Variants in NAGPA observed in about 807,000 individuals in gnomAD.
NAGPA encodes the protein alpha-N-acetylglucosaminyl phosphodiesterase.
Under a neutral mutation model 48.5 loss-of-function variants are expected in NAGPA, and 56 were observed. The observed-to-expected ratio is 1.15, with a 90% CI of 0.93 to 1.44. The LOEUF (loss-of-function observed/expected upper bound fraction) is 1.44, where lower values mean the gene tolerates loss of function less well. NAGPA is among the 40% of genes most tolerant of loss of function. The pLI, the probability that NAGPA is intolerant of heterozygous loss-of-function variation, is 0.00. For synonymous variants in NAGPA, 399 were observed against 315.5 expected (o/e 1.26, Z -2.81); for missense variants, 888 against 735.0 (o/e 1.21, Z -2.41).
Position 5,033,673 on chromosome 16 carries a change from G to A in NAGPA, c.142C>T (p.Pro48Ser), listed in dbSNP as rs1956148810. The A allele has an allele frequency of 1.3e-6, 2 of 1,594,378 alleles. No homozygotes were observed. The highest frequency in any genetic ancestry group is 1.7e-6 in the Non-Finnish European group (2 of 1,175,254). Reference sequence around the variant, plus strand: ...GCGCGCACCCGTGTGCAGTCCCGGGGGAGGCGCGCGCGCGCGCGTGGATAG... The same window carrying A: ...GCGCGCACCCGTGTGCAGTCCCGGGAGAGGCGCGCGCGCGCGCGTGGATAG... ...LPYPRARARLPRDCTRVRAGN... is the reference protein window; with the variant it reads ...LPYPRARARLSRDCTRVRAGN... The change falls in exon 2 of 10, where the codon CCC becomes TCC. Residue 48 changes from proline (P) to serine (S), a missense_variant. Physicochemically the swap from Pro to Ser is moderately conservative, Grantham distance 74 (BLOSUM62 -1). Coordinates refer to ENST00000312251, the MANE Select transcript of NAGPA (RefSeq NM_016256.4). The surrounding 1 kb of genome is among the most constrained non-coding windows in gnomAD (Gnocchi z 4.2).
intron 4 of NAGPA, chr16:5,030,132 T>C (rs1299667595): frequency 5.0e-5 from 29 of 577,402 alleles, no homozygotes; most frequent in Non-Finnish European, 9.0e-5. Context: ...CTGCTCACTT[T>C]GTGACCATTT....
At position 5,031,801 on chromosome 16, in the gene NAGPA, C is replaced by T; in HGVS notation, c.626G>A (p.Gly209Glu). The change falls in exon 3 of 10, where the codon GGA (glycine) becomes GAA (glutamate). Residue 209 changes from glycine to glutamate, a missense_variant. By Grantham distance (98) the Gly-to-Glu change is moderately conservative. Transcript: ENST00000312251. Reference protein sequence around the residue: ...LSGVVWLIRNGSIYINESQAT... With the variant: ...LSGVVWLIRNESIYINESQAT... ...TTGGCTCTCGTTGATGTAGATGCTT[C>T]CATTACGAATCAGCCACACGACCCC... The T allele has an allele frequency of 1.2e-6, 2 of 1,614,136 alleles. No homozygotes were observed. The highest frequency in any genetic ancestry group is 2.2e-5 in the East Asian group (1 of 44,884).
chr16:5,030,196 G>A, intron 4 of NAGPA, 189 bp downstream of exon 4: 2 of 631,428 alleles, frequency 3.2e-6, no homozygotes, highest in Non-Finnish European at 5.7e-6. Context: ...TGAAGATGAT[G>A]AGTTCTTGGA....
chr16:5,030,946 G>A, intron 3 of NAGPA: 1 of 229,498 alleles, frequency 4.4e-6, no homozygotes, highest in South Asian at 5.2e-5. Context: ...TTTTTTTTTT[G>A]AGACAAAGAG....
chr16:5,030,243 GGT>G, intron 4 of NAGPA, 140 bp downstream of exon 4: 1 of 752,088 alleles, frequency 1.3e-6, no homozygotes, highest in Non-Finnish European at 2.3e-6. Flanking sequence ...CCTGTGGGAA[GGT>G]GAGGGGGCCC....
chr16:5,028,911 C>A lies in NAGPA; in HGVS notation c.889G>T (p.Gly297Trp). ...GGGSATFVLNGTLASYPSDHC... is the reference protein window; with the variant it reads ...GGGSATFVLNWTLASYPSDHC... ...TCTGACGGGTAACTGGCCAAGGTCC[C>A]GTTGAGCACAAAGGTGGCAGAGCCA... is the stretch of plus-strand genomic sequence containing the variant. The change falls in exon 5 of 10, where the codon GGG becomes TGG. Residue 297 changes from glycine to tryptophan, a missense_variant. Physicochemically the swap from Gly to Trp is radical, Grantham distance 184. Coordinates refer to ENST00000312251, the MANE Select transcript of NAGPA (RefSeq NM_016256.4). 1 of 1,614,086 alleles carries A rather than the reference C, an allele frequency of 6.2e-7. No homozygotes were observed. Among genetic ancestry groups the A allele is most frequent in the Non-Finnish European group, 8.5e-7 (1 of 1,180,034 alleles).
chr16:5,033,789 G>A lies in NAGPA; in HGVS notation c.86+40C>T, dbSNP rs536342203. 2.5e-4 allele frequency: 393 copies of A among 1,571,182 alleles called. 5 individuals carry two copies. The South Asian group carries it at 4.4e-3, about 18-fold the overall frequency. Reference sequence around the variant, plus strand: ...TCCTCGTGAGCTCGGAGGACAGGGGGGACCCCCCGAACCAGGCTGGCCCAG... The same window carrying A: ...TCCTCGTGAGCTCGGAGGACAGGGGAGACCCCCCGAACCAGGCTGGCCCAG... On this transcript the variant is annotated intron_variant, in intron 1 of 9. Transcript: ENST00000312251. The surrounding 1 kb of genome is among the most constrained non-coding windows in gnomAD (Gnocchi z 4.2).
Position 5,033,609 on chromosome 16 carries a change from G to C in NAGPA, c.206C>G (p.Ala69Gly). 1.3e-6 allele frequency: 2 copies of C among 1,503,572 alleles called. No individual in the cohort carries two copies. Among genetic ancestry groups the C allele is most frequent in the Non-Finnish European group, 1.8e-6 (2 of 1,139,020 alleles). The allele number at this position is 1,503,572 out of a possible 1,614,324, so 93.1% of individuals were successfully genotyped here. ...REHESWPPPP[A>G]TPGAGGLAVR... ...GGCCAGACCGCCGGCGCCGGGAGTC[G>C]CGGGAGGCGGAGGCCAACTCTCGTG... The change falls in exon 2 of 10, where the codon GCG (alanine) becomes GGG (glycine). Residue 69 changes from alanine to glycine, a missense_variant. Transcript: ENST00000312251. This position sits in a 1 kb window ranked among gnomAD's most constrained non-coding sequence, Gnocchi z 4.2.
At position 5,028,161 on chromosome 16, in the gene NAGPA, G is replaced by C; in HGVS notation, c.945C>G (p.Pro315=). Reference sequence around the variant, plus strand: ...CACACACCACGGTGGACACTTGGCGGGGACAGCGCCACATGTTGTCCTGGC... The same window carrying C: ...CACACACCACGGTGGACACTTGGCGCGGACAGCGCCACATGTTGTCCTGGC... ...DHCQDNMWRC[P]RQVSTVVCVH... The change falls in exon 6 of 10, where the codon CCC becomes CCG. Residue 315 remains proline, a synonymous_variant. Transcript: ENST00000312251. The C allele has an allele frequency of 6.4e-7, 1 of 1,573,824 alleles. No individual in the cohort carries two copies. The highest frequency in any genetic ancestry group is 8.6e-7 in the Non-Finnish European group (1 of 1,159,326).
In NAGPA at chr16:5,027,383, T is replaced by C. The variant is rs752593735; in HGVS notation, c.1175-4A>G. On this transcript the variant is annotated splice_region_variant and splice_polypyrimidine_tract_variant and intron_variant, in intron 7 of 9. Coordinates refer to ENST00000312251, the MANE Select transcript of NAGPA (RefSeq NM_016256.4). ...CCATGCCAGCCAAGGGGACACTCTA[T>C]GGAAAGGAGATGGGAGGAGGGAGGA... 6.2e-7 allele frequency: 1 copy of C among 1,600,318 alleles called. No homozygotes were observed. Among genetic ancestry groups the C allele is most frequent in the South Asian group, 1.1e-5 (1 of 90,458 alleles).
chr16:5,029,467 G>A (rs1956063658), intron 4 of NAGPA: 1 of 252,686 alleles, frequency 4.0e-6, no homozygotes, highest in East Asian at 1.0e-4. Flanking sequence ...AACTGAGGAG[G>A]CGACGGGGAT....
rs889971566 is a variant in NAGPA at position 5,033,567 on chromosome 16, G to C, written c.248C>G (p.Ser83Trp). Reference protein sequence around the residue: ...AGGLAVRTFVSHFRDRAVAGH... With the variant: ...AGGLAVRTFVWHFRDRAVAGH... Reference sequence around the variant, plus strand: ...GGCCACCGCGCGGTCCCTGAAGTGCGACACGAAGGTGCGCACGGCCAGACC... The same window carrying C: ...GGCCACCGCGCGGTCCCTGAAGTGCCACACGAAGGTGCGCACGGCCAGACC... The change falls in exon 2 of 10, where the codon TCG (serine) becomes TGG (tryptophan). Residue 83 changes from serine (S) to tryptophan (W), a missense_variant. By Grantham distance (177) the Ser-to-Trp change is radical (BLOSUM62 -3). Coordinates refer to ENST00000312251, the MANE Select transcript of NAGPA (RefSeq NM_016256.4). This position sits in a 1 kb window ranked among gnomAD's most constrained non-coding sequence, Gnocchi z 4.2. 7 of 1,500,294 alleles carry C rather than the reference G, an allele frequency of 4.7e-6. No homozygotes were observed. The highest frequency in any genetic ancestry group is 6.2e-6 in the Non-Finnish European group (7 of 1,134,052). The allele number at this position is 1,500,294 out of a possible 1,614,324, so 92.9% of individuals were successfully genotyped here.
chr16:5,028,896 A>G lies in NAGPA; in HGVS notation c.904T>C (p.Tyr302His), dbSNP rs760778685. ...TFVLNGTLAS[Y>H]PSDHCQDNMW... ...CGTGCTTACCAGTGATCTGACGGGT[A>G]ACTGGCCAAGGTCCCGTTGAGCACA... The change falls in exon 5 of 10, where the codon TAC (tyrosine) becomes CAC (histidine). Residue 302 changes from tyrosine to histidine, a missense_variant. Tyr to His is a moderately conservative substitution (Grantham distance 83). Transcript: ENST00000312251. The G allele has an allele frequency of 2.5e-6, 4 of 1,614,084 alleles. No homozygotes were observed. Among genetic ancestry groups the G allele is most frequent in the Non-Finnish European group, 2.5e-6 (3 of 1,180,028 alleles).
chr16:5,029,919 G>A, intron 4 of NAGPA: 1 of 250,136 alleles, frequency 4.0e-6, no homozygotes, highest in Non-Finnish European at 7.9e-6. Flanking sequence ...GTAAGACCCT[G>A]TCTCAAAGAA....
intron 4 of NAGPA, chr16:5,029,899 G>C (rs1403747357): frequency 4.6e-6 from 1 of 217,134 alleles, no homozygotes; most frequent in Admixed American, 5.3e-5. Context: ...ACTCTGGCCT[G>C]GGCGACGGAG....
At position 5,030,438 on chromosome 16, in the gene NAGPA, G is replaced by T. The variant is rs766476242; in HGVS notation, c.738C>A (p.Asp246Glu). 1.3e-6 allele frequency: 2 copies of T among 1,554,586 alleles called. No individual in the cohort carries two copies. The highest frequency in any genetic ancestry group is 2.4e-5 in the East Asian group (1 of 41,288). Residue 246 changes from aspartate (D) to glutamate (E), a missense_variant, in exon 4 of 10, where the codon GAC (aspartate) becomes GAA (glutamate). Physicochemically the swap from Asp to Glu is conservative, Grantham distance 45. Coordinates refer to ENST00000312251, the MANE Select transcript of NAGPA (RefSeq NM_016256.4). ...GAAAGAGCACCAGCTGCCCTTTCCG[G>T]TCGTGGCCAATGGCCGTCCTGGCTG... ...VISARTAIGH[D>E]RKGQLVLFHA...
In NAGPA at chr16:5,025,217, G is replaced by C. The variant is rs1253941000; in HGVS notation, c.*261C>G. On this transcript the variant is annotated 3_prime_UTR_variant, in exon 10 of 10. Transcript: ENST00000312251. ...GTGCGGCAGCCCTCCCGGGGGCACG[G>C]GCTTCTCGGCAGCAGACACAGGCAG... 1.8e-6 allele frequency: 1 copy of C among 548,666 alleles called. No homozygotes were observed. Among genetic ancestry groups the C allele is most frequent in the South Asian group, 2.1e-5 (1 of 48,086 alleles). 34.0% of individuals were successfully genotyped at this position (548,666 alleles called of 1,614,324 possible).
At chr16:5,031,957 G>C in intron 2 of NAGPA, 73 bp from the exon 3 acceptor site, 1 of 1,604,586 alleles carries the variant, frequency 6.2e-7, no homozygotes, top group Non-Finnish European at 8.5e-7. Context: ...TTTCTCCCTA[G>C]CCATCCCAAC....
chr16:5,030,204 G>A, intron 4 of NAGPA, 181 bp downstream of exon 4: 2 of 641,936 alleles, frequency 3.1e-6, no homozygotes, highest in Non-Finnish European at 5.6e-6. Flanking sequence ...ATGAGTTCTT[G>A]GAATCGGCAA....
Sources: gnomAD v4.1 joint callset for allele counts on GRCh38, gnomAD v4.1.1 for gene constraint, Gnocchi (gnomAD v3.1) non-coding constraint, MANE v1.5 for transcripts, NCBI Gene and HGNC (gene_info 2026-07-23, HGNC 2026-07-21) for gene names.